Variants in RBFOX1 observed in about 807,000 individuals in gnomAD.
RBFOX1 encodes RNA binding protein fox-1 homolog 1.
Under a neutral mutation model 57.7 loss-of-function variants are expected in RBFOX1, and 8 were observed. The ratio of observed to expected loss-of-function variants is 0.14; its 90% CI spans 0.08 to 0.25. The LOEUF is 0.25. Ranked by LOEUF, RBFOX1 falls within the 10% of genes least tolerant of loss-of-function variation. RBFOX1 has a pLI of 1.00. For synonymous variants in RBFOX1, 326 were observed against 222.4 expected, an observed-to-expected ratio of 1.47 and a Z score of -4.15; for missense variants, 611 against 548.5, an observed-to-expected ratio of 1.11 and a Z score of -1.14.
intron 1 of RBFOX1, among the ~76,000 whole-genome samples, chr16:5,440,570 C>G (rs1225496876): frequency 2.0e-5 from 3 of 152,106 alleles, no homozygotes; most frequent in Non-Finnish European, 4.4e-5. Flanking sequence ...TGGAACTCTC[C>G]ATGGCTCTAG....
chr16:6,256,175 A>ATATATATATATATG (rs2097661895), intron 1 of RBFOX1, among the ~76,000 whole-genome samples: 1 of 28,324 alleles, frequency 3.5e-5, no homozygotes, highest in Non-Finnish European at 8.0e-5. Context: ...ATATATGTAT[A>ATATATATATATATG]TATATATATA....
intron 3 of RBFOX1, among the ~76,000 whole-genome samples, chr16:6,933,572 G>A (rs548579961): frequency 6.6e-6 from 1 of 152,188 alleles, no homozygotes; most frequent in Non-Finnish European, 1.5e-5. Flanking sequence ...AATTATCCAG[G>A]TGTGGTGGCA....
At chr16:5,295,895 A>C (rs2063655490) in intron 1 of RBFOX1, among the ~76,000 whole-genome samples, 1 of 152,158 alleles carries the variant, frequency 6.6e-6, no homozygotes, top group South Asian at 2.1e-4. Flanking sequence ...TATGCTTCTT[A>C]CCTCTAGGAC....
At chr16:7,491,986 G>C (rs1282525992) in intron 4 of RBFOX1, among the ~76,000 whole-genome samples, 2 of 152,090 alleles carry the variant, frequency 1.3e-5, no homozygotes, top group African/African-American at 2.4e-5. Flanking sequence ...CTAACGCCTA[G>C]GCTGATAACA....
At chr16:5,572,783 G>T (rs1202576818) in intron 2 of RBFOX1, among the ~76,000 whole-genome samples, 1 of 152,192 alleles carries the variant, frequency 6.6e-6, no homozygotes, top group African/African-American at 2.4e-5. Flanking sequence ...GTACTCTGTG[G>T]ATATTTAGGG....
rs183139941 is a variant in RBFOX1 at position 6,669,835 on chromosome 16, C to T, written c.-16+15185C>T. ...GCACAGTAGAAAAGCAAATGCTCAC[C>T]ATGAGCCAGGCAGGCAGATCTGATG... On this transcript the variant is annotated intron_variant, in intron 3 of 15. Transcript: ENST00000550418. 2.0e-5 allele frequency among the ~76,000 whole-genome samples: 3 copies of T among 152,120 alleles called. No homozygotes were observed. The South Asian group carries it at 6.2e-4, about 32-fold the overall frequency.
chr16:6,285,738 C>A (rs1043408565), intron 1 of RBFOX1, among the ~76,000 whole-genome samples: 2 of 152,082 alleles, frequency 1.3e-5, no homozygotes, highest in African/African-American at 2.4e-5. Context: ...CTGTTGGTAA[C>A]CTCAGAGGAG....
chr16:7,206,872 C>G (rs11866938), intron 4 of RBFOX1, among the ~76,000 whole-genome samples: 15,168 of 152,070 alleles, frequency 0.1, 829 homozygotes, highest in Non-Finnish European at 0.11. Flanking sequence ...AATGGAGAGG[C>G]TGGAGAAACC....
At chr16:7,512,704 C>T (rs550735698) in intron 4 of RBFOX1, among the ~76,000 whole-genome samples, 16 of 152,348 alleles carry the variant, frequency 1.1e-4, no homozygotes, top group African/African-American at 2.6e-4. Context: ...CTTGCTTTGG[C>T]ACCAGTGGTG....
At chr16:7,377,473 C>G (rs947819670) in intron 4 of RBFOX1, among the ~76,000 whole-genome samples, 1 of 152,156 alleles carries the variant, frequency 6.6e-6, no homozygotes, top group African/African-American at 2.4e-5. Context: ...GACAGCTTGG[C>G]TAACACATCA....
intron 3 of RBFOX1, among the ~76,000 whole-genome samples, chr16:6,979,436 A>G (rs1012167058): frequency 2.0e-5 from 3 of 152,224 alleles, no homozygotes; most frequent in African/African-American, 2.4e-5. Flanking sequence ...TCCTTTGAAC[A>G]GAAGAAATTA....
intron 3 of RBFOX1, among the ~76,000 whole-genome samples, chr16:6,819,962 C>T (rs1404047327): frequency 6.6e-6 from 1 of 152,108 alleles, no homozygotes; most frequent in Non-Finnish European, 1.5e-5. Context: ...TTCACTCATC[C>T]TCTGGCTGTG....
rs189031635 is a variant in RBFOX1 at position 6,832,018 on chromosome 16, C to G, written c.-16+177368C>G. Among the ~76,000 whole-genome samples the G allele has an allele frequency of 3.6e-3, 551 of 152,304 alleles. 2 individuals carry two copies. The highest frequency in any genetic ancestry group is 0.013 in the African/African-American group (524 of 41,560). ...ATGGTATCACTAATTAAATAAAGTA[C>G]TTTGGAATTCATTGACAGCCTGCAC... On this transcript the variant is annotated intron_variant, in intron 3 of 15. Transcript: ENST00000550418.
intron 1 of RBFOX1, among the ~76,000 whole-genome samples, chr16:5,288,761 T>G (rs1305911849): frequency 6.6e-6 from 1 of 152,028 alleles, no homozygotes; most frequent in African/African-American, 2.4e-5. Flanking sequence ...TGGGGGCAAG[T>G]CTTCCTTATG....
intron 2 of RBFOX1, among the ~76,000 whole-genome samples, chr16:5,501,896 A>T (rs1049701245): frequency 2.0e-5 from 3 of 150,808 alleles, no homozygotes; most frequent in Admixed American, 6.6e-5. Flanking sequence ...TTATTTATTT[A>T]TTTTTTTTGT....
In RBFOX1 at chr16:6,019,148, T is replaced by G; in HGVS notation, c.-971T>G. 1 of 985,134 alleles carries G rather than the reference T, an allele frequency of 1.0e-6. No individual in the cohort carries two copies. The highest frequency in any genetic ancestry group is 4.7e-5 in the South Asian group (1 of 21,238). The allele number at this position is 985,134 out of a possible 1,614,324, so 61.0% of individuals were successfully genotyped here. A position where few individuals can be genotyped will look rare whatever the true frequency, so the allele number is the denominator to read the frequency against. ...GCGCTCTCTCCGGCTCTCCTTTGTT[T>G]ATTTTCTAATCTATATTTTTACTGG... On this transcript the variant is annotated 5_prime_UTR_variant, in exon 1 of 16. Coordinates refer to ENST00000550418, the MANE Select transcript of RBFOX1 (RefSeq NM_018723.4). This position sits in a 1 kb window ranked among gnomAD's most constrained non-coding sequence, Gnocchi z 4.2.
intron 4 of RBFOX1, among the ~76,000 whole-genome samples, chr16:5,950,808 A>G (rs958651054): frequency 6.6e-6 from 1 of 152,050 alleles, no homozygotes; most frequent in African/African-American, 2.4e-5. Flanking sequence ...ACCTGAGTTC[A>G]AGGGAAACTC....
intron 4 of RBFOX1, among the ~76,000 whole-genome samples, chr16:7,190,322 G>A (rs554117368): frequency 4.9e-4 from 74 of 152,196 alleles, no homozygotes; most frequent in African/African-American, 1.6e-3. Flanking sequence ...TCACACCACC[G>A]TACTCCAGCC....
intron 2 of RBFOX1, among the ~76,000 whole-genome samples, chr16:6,529,694 T>C (rs960004574): frequency 2.0e-5 from 3 of 152,128 alleles, no homozygotes; most frequent in Non-Finnish European, 4.4e-5. Context: ...CCATTAGTGA[T>C]TTATTGCTAA....
Sources: gnomAD v4.1 joint callset for allele counts (sites outside exome capture counted in the v4.1 genomes callset) on GRCh38, gnomAD v4.1.1 for gene constraint, Gnocchi (gnomAD v3.1) non-coding constraint, MANE v1.5 for transcripts, NCBI Gene and HGNC (gene_info 2026-07-23, HGNC 2026-07-21) for gene names.